Variants in WDR49 observed in about 807,000 individuals in gnomAD.
WDR49 encodes cilia- and flagella-associated protein 337.
A neutral mutation model predicts 119.5 loss-of-function variants in WDR49; 107 were observed. That is an observed-to-expected ratio of 0.90 (90% confidence interval 0.77 to 1.05). The LOEUF is 1.05. Ranked by LOEUF, WDR49 falls within the 50% of genes least tolerant of loss-of-function variation. The pLI is 0.00. For synonymous variants in WDR49, 425 were observed against 418.8 expected (o/e 1.01, Z -0.18); for missense variants, 1,240 against 1,220.5 (o/e 1.02, Z -0.24).
At chr3:167,600,327 C>A (rs1025005288) in intron 7 of WDR49, among the ~76,000 whole-genome samples, 2 of 152,072 alleles carry the variant, frequency 1.3e-5, no homozygotes, top group African/African-American at 4.8e-5. Context: ...CTACGACTCA[C>A]CTAGGAGTTG....
intron 7 of WDR49, among the ~76,000 whole-genome samples, chr3:167,592,858 A>G (rs1422951420): frequency 1.3e-5 from 2 of 152,022 alleles, no homozygotes; most frequent in Non-Finnish European, 2.9e-5. Context: ...TAAGGTCTTT[A>G]TTTCTCCATG....
intron 15 of WDR49, among the ~76,000 whole-genome samples, chr3:167,523,481 C>G (rs766625991): frequency 1.5e-4 from 22 of 151,594 alleles, no homozygotes; most frequent in Non-Finnish European, 1.6e-4. Flanking sequence ...CTGCACCTAT[C>G]AACCCATCAT....
intron 10 of WDR49, among the ~76,000 whole-genome samples, chr3:167,544,426 T>C (rs1233482584): frequency 6.6e-6 from 1 of 152,018 alleles, no homozygotes; most frequent in Non-Finnish European, 1.5e-5. Context: ...ACTACAAGGC[T>C]ATAGTTACCA....
chr3:167,488,810 G>C (rs138712262), intron 18 of WDR49, among the ~76,000 whole-genome samples: 22 of 152,122 alleles, frequency 1.4e-4, no homozygotes, highest in African/African-American at 5.3e-4. Context: ...CATGACCCCT[G>C]AGCCCCCTCT....
intron 3 of WDR49, among the ~76,000 whole-genome samples, chr3:167,623,902 A>G (rs935345481): frequency 3.9e-5 from 6 of 152,032 alleles, no homozygotes; most frequent in African/African-American, 1.4e-4. Context: ...TTGTATTTCT[A>G]TACAATGAAC....
At chr3:167,509,478 T>C (rs1751885598) in intron 16 of WDR49, among the ~76,000 whole-genome samples, 1 of 152,244 alleles carries the variant, frequency 6.6e-6, no homozygotes, top group Admixed American at 6.5e-5. Flanking sequence ...GAAAAATGTT[T>C]ACTTTCACAA....
chr3:167,484,314 G>A (rs779355502), intron 18 of WDR49, among the ~76,000 whole-genome samples: 18 of 152,076 alleles, frequency 1.2e-4, no homozygotes, highest in Non-Finnish European at 2.4e-4. Flanking sequence ...GGGGACAGGG[G>A]AGGGATAGCA....
At chr3:167,633,447 C>G (rs756148985) in intron 2 of WDR49, 1 of 456,014 alleles carries the variant, frequency 2.2e-6, no homozygotes, top group Admixed American at 2.4e-5. Context: ...TATACAAGAG[C>G]GACATTTCAT....
Position 167,554,772 on chromosome 3 carries a change from G to C in WDR49, c.1701C>G (p.His567Gln). 2 of 1,610,932 alleles carry C rather than the reference G, an allele frequency of 1.2e-6. No individual in the cohort carries two copies. Among genetic ancestry groups the C allele is most frequent in the Non-Finnish European group, 1.7e-6 (2 of 1,179,122 alleles). Residue 567 changes from histidine to glutamine, a missense_variant, in exon 10 of 19, where the codon CAC becomes CAG. His to Gln is a conservative substitution (Grantham distance 24). Coordinates refer to ENST00000682715, the MANE Select transcript of WDR49 (RefSeq NM_001366157.1). The stretch of plus-strand genomic sequence containing the variant: ...CATCTTGCCCAACATTTAGTGTATG[G>C]TGACAATATCCATTGAAGTCCCATA... ...VKIWDFNGYC[H>Q]HTLNVGQDGA... is the part of the protein sequence containing the mutation.
At chr3:167,517,046 G>T (rs1042286017) in intron 16 of WDR49, among the ~76,000 whole-genome samples, 5 of 152,150 alleles carry the variant, frequency 3.3e-5, no homozygotes, top group African/African-American at 1.2e-4. Context: ...AGAATGGTGA[G>T]CATTAAAAAG....
At chr3:167,532,800 G>T (rs751106364) in intron 12 of WDR49, 79 bp downstream of exon 12, 2 of 915,938 alleles carry the variant, frequency 2.2e-6, no homozygotes, top group African/African-American at 1.7e-5. Context: ...GGATCAAGTC[G>T]CATCAGGCAC....
intron 7 of WDR49, among the ~76,000 whole-genome samples, chr3:167,588,892 CT>C (rs1714963475): frequency 6.6e-6 from 1 of 151,946 alleles, no homozygotes; most frequent in Non-Finnish European, 1.5e-5. Flanking sequence ...TGGGTTGTTT[CT>C]TCACTTTATT....
At chr3:167,648,782 G>A (rs1320853070) in intron 2 of WDR49, among the ~76,000 whole-genome samples, 1 of 152,010 alleles carries the variant, frequency 6.6e-6, no homozygotes, top group Non-Finnish European at 1.5e-5. Flanking sequence ...TTGTGTAGAA[G>A]GCGGAAGGTG....
chr3:167,515,054 CAAA>C (rs1752147947), intron 16 of WDR49, among the ~76,000 whole-genome samples: 1 of 152,022 alleles, frequency 6.6e-6, no homozygotes, highest in Admixed American at 6.6e-5. Context: ...ACCAGAGATA[CAAA>C]AAGGAGCTGG....
In WDR49 at chr3:167,576,017, G is replaced by C; in HGVS notation, c.1410C>G (p.Asn470Lys). 3 of 1,614,068 alleles carry C rather than the reference G, an allele frequency of 1.9e-6. No homozygotes were observed. Among genetic ancestry groups the C allele is most frequent in the Non-Finnish European group, 2.5e-6 (3 of 1,180,014 alleles). Reference sequence around the variant, plus strand: ...TTTTCATTGCCAACAATGCTAGCTGGTTATTAAACGAGATGAAAAGTCGTC... The same window carrying C: ...TTTTCATTGCCAACAATGCTAGCTGCTTATTAAACGAGATGAAAAGTCGTC... ...AHGRLFISFN[N>K]QLALLAMKSE... Residue 470 changes from asparagine (N) to lysine (K), a missense_variant, in exon 8 of 19, where the codon AAC (asparagine) becomes AAG (lysine). Coordinates refer to ENST00000682715, the MANE Select transcript of WDR49 (RefSeq NM_001366157.1).
intron 10 of WDR49, among the ~76,000 whole-genome samples, chr3:167,545,951 CAAAT>C (rs1261053884): frequency 6.6e-6 from 1 of 151,478 alleles, no homozygotes; most frequent in Non-Finnish European, 1.5e-5. Flanking sequence ...TAAGGTAAGA[CAAAT>C]AAGGTAATTT....
rs1431582807 is a variant in WDR49 at position 167,501,633 on chromosome 3, G to GA, written c.2885-1335dup. Among the ~76,000 whole-genome samples, 84 of 152,192 alleles carry GA rather than the reference G, an allele frequency of 5.5e-4. 1 individual carries two copies. Among genetic ancestry groups the GA allele is most frequent in the African/African-American group, 1.9e-3 (78 of 41,542 alleles). The stretch of plus-strand genomic sequence containing the variant: ...TGTGACATTCCCTTGGACATAAGTT[G>GA]AAAAGATATTTGTAGTAAGTAACAT... On this transcript the variant is annotated intron_variant, in intron 17 of 18. Transcript: ENST00000682715.
At position 167,602,246 on chromosome 3, in the gene WDR49, G is replaced by A. The variant is rs776365768; in HGVS notation, c.1156C>T (p.Leu386Phe). 6.3e-7 allele frequency: 1 copy of A among 1,589,896 alleles called. No individual in the cohort carries two copies. Among genetic ancestry groups the A allele is most frequent in the Non-Finnish European group, 8.6e-7 (1 of 1,162,734 alleles). ...ATAGINNKVC[L>F]WNPYVVSKPV... ...TTAGAGACAACATAGGGATTCCAAA[G>A]GCAAACTTTATTGTTAATGCCAGCA... Residue 386 changes from leucine (L) to phenylalanine (F), a missense_variant, in exon 7 of 19, where the codon CTT becomes TTT. Transcript: ENST00000682715.
At chr3:167,642,352 T>C (rs1044878719) in intron 2 of WDR49, among the ~76,000 whole-genome samples, 1 of 151,938 alleles carries the variant, frequency 6.6e-6, no homozygotes, top group South Asian at 2.1e-4. Context: ...GTAGTGTTAA[T>C]ATAATAGTTC....
Sources: gnomAD v4.1 joint callset for allele counts (sites outside exome capture counted in the v4.1 genomes callset) on GRCh38, gnomAD v4.1.1 for gene constraint, MANE v1.5 for transcripts, NCBI Gene and HGNC (gene_info 2026-07-23, HGNC 2026-07-21) for gene names.